The following MCTP1 variants were observed in gnomAD, a reference collection of about 807,000 sequenced individuals.
MCTP1 encodes multiple C2 and transmembrane domain-containing protein 1.
In MCTP1, 69 loss-of-function variants were observed where a neutral mutation model predicts 120.6. The observed-to-expected ratio is 0.57, with a 90% confidence interval of 0.47 to 0.70. The LOEUF is 0.70. MCTP1 is among the 30% of genes least tolerant of loss of function. MCTP1 has a pLI of 0.00. For missense variants in MCTP1, 1,203 were observed against 1,248.8 expected (o/e 0.96, Z 0.55); for synonymous variants, 529 against 493.1 (o/e 1.07, Z -0.96).
chr5:94,714,774 C>T lies in MCTP1; in HGVS notation c.2720+3G>A, dbSNP rs1758467734. 3.2e-6 allele frequency: 5 copies of T among 1,541,700 alleles called. No homozygotes were observed. Among genetic ancestry groups the T allele is most frequent in the Non-Finnish European group, 4.5e-6 (5 of 1,113,992 alleles). ...ATGGGGCTCACAGGTCACCGTCACT[C>T]ACTTCTTTATCCTTTCGCCAAAGGA... On this transcript the variant is annotated splice_donor_region_variant and intron_variant, in intron 20 of 22. Coordinates refer to ENST00000515393, the MANE Select transcript of MCTP1 (RefSeq NM_024717.7).
At chr5:95,249,470 G>A (rs936978861) in intron 1 of MCTP1, among the ~76,000 whole-genome samples, 3 of 151,992 alleles carry the variant, frequency 2.0e-5, no homozygotes, top group Admixed American at 6.6e-5. Flanking sequence ...ACCATCTCAC[G>A]CCAGTTAGAA....
chr5:94,901,044 T>G (rs563572009), intron 10 of MCTP1, among the ~76,000 whole-genome samples: 5 of 152,214 alleles, frequency 3.3e-5, no homozygotes, highest in Non-Finnish European at 7.3e-5. Flanking sequence ...GACTCAAATC[T>G]AAAACAGATT....
chr5:94,777,018 GAT>G (rs1775501622), intron 19 of MCTP1, among the ~76,000 whole-genome samples: 1 of 137,666 alleles, frequency 7.3e-6, no homozygotes, highest in Non-Finnish European at 1.7e-5. Context: ...ATTTTATTCA[GAT>G]ATGATTTTTA....
At chr5:95,124,872 T>A (rs1427603884) in intron 1 of MCTP1, among the ~76,000 whole-genome samples, 1 of 152,238 alleles carries the variant, frequency 6.6e-6, no homozygotes, top group African/African-American at 2.4e-5. Flanking sequence ...GACTTTCATC[T>A]TCTGCACACC....
chr5:95,036,032 C>A (rs1453508121), intron 1 of MCTP1, among the ~76,000 whole-genome samples: 1 of 152,024 alleles, frequency 6.6e-6, no homozygotes, highest in African/African-American at 2.4e-5. Flanking sequence ...ACTCATCTGA[C>A]CTTTTGTCTT....
intron 17 of MCTP1, among the ~76,000 whole-genome samples, chr5:94,841,456 A>G (rs969177403): frequency 1.3e-5 from 2 of 152,088 alleles, no homozygotes; most frequent in Admixed American, 6.6e-5. Flanking sequence ...TCCCACCCCA[A>G]ACACTGTGGA....
At chr5:94,893,078 C>T (rs1803050185) in intron 11 of MCTP1, among the ~76,000 whole-genome samples, 1 of 151,974 alleles carries the variant, frequency 6.6e-6, no homozygotes, top group African/African-American at 2.4e-5. Flanking sequence ...GAGCAGAATA[C>T]AATCTGAGAA....
chr5:94,889,433 A>G lies in MCTP1; in HGVS notation c.1840-461T>C, dbSNP rs540836756. 2.6e-5 allele frequency among the ~76,000 whole-genome samples: 4 copies of G among 151,734 alleles called. No individual in the cohort carries two copies. In the East Asian group the frequency reaches 5.8e-4, roughly 22 times the overall value. ...GAAACCCCATCTCTACCAAAAATAC[A>G]AAAAAAATTAGCCAGGCGTGGTGGC... On this transcript the variant is annotated intron_variant, in intron 11 of 22. Transcript: ENST00000515393.
intron 1 of MCTP1, among the ~76,000 whole-genome samples, chr5:95,090,417 TTTC>T (rs1582225525): frequency 6.6e-6 from 1 of 152,188 alleles, no homozygotes; most frequent in African/African-American, 2.4e-5. Flanking sequence ...TCAATCTTGT[TTTC>T]TTCTCCTGCC....
intron 17 of MCTP1, among the ~76,000 whole-genome samples, chr5:94,845,758 C>T (rs1792186002): frequency 6.6e-6 from 1 of 152,078 alleles, no homozygotes; most frequent in African/African-American, 2.4e-5. Context: ...TGCTATGTTG[C>T]CCAGGCTGAT....
chr5:94,818,889 A>C (rs1313804087), intron 17 of MCTP1, among the ~76,000 whole-genome samples: 1 of 152,174 alleles, frequency 6.6e-6, no homozygotes, highest in Non-Finnish European at 1.5e-5. Context: ...ATCATCTTAG[A>C]AAATTCAGAT....
intron 19 of MCTP1, among the ~76,000 whole-genome samples, chr5:94,715,995 A>G (rs914428543): frequency 4.6e-5 from 7 of 152,248 alleles, no homozygotes; most frequent in African/African-American, 1.7e-4. Flanking sequence ...TCATTTCAGA[A>G]GAGTCTAAAG....
intron 1 of MCTP1, among the ~76,000 whole-genome samples, chr5:95,165,695 A>G (rs1386658898): frequency 2.0e-5 from 3 of 152,336 alleles, no homozygotes; most frequent in East Asian, 1.9e-4. Context: ...AACCAGAAGG[A>G]TCAACCATGA....
chr5:95,004,028 A>G (rs1450610880), intron 2 of MCTP1, among the ~76,000 whole-genome samples: 1 of 152,222 alleles, frequency 6.6e-6, no homozygotes, highest in East Asian at 1.9e-4. Context: ...AGAACAGTGA[A>G]GTCCAGGCTG....
At chr5:94,803,350 C>T (rs988702815) in intron 17 of MCTP1, among the ~76,000 whole-genome samples, 5 of 152,102 alleles carry the variant, frequency 3.3e-5, no homozygotes, top group Admixed American at 1.3e-4. Flanking sequence ...GGCTTTGGGC[C>T]GTTAGCCATG....
At chr5:95,051,527 T>C (rs1466452848) in intron 1 of MCTP1, among the ~76,000 whole-genome samples, 2 of 152,206 alleles carry the variant, frequency 1.3e-5, no homozygotes, top group African/African-American at 2.4e-5. Context: ...CCTTAGGTTA[T>C]AGGAAGTTTG....
chr5:95,154,514 A>C (rs1338424415), intron 1 of MCTP1, among the ~76,000 whole-genome samples: 1 of 152,218 alleles, frequency 6.6e-6, no homozygotes, highest in Non-Finnish European at 1.5e-5. Flanking sequence ...TGAGCAAGAG[A>C]GCTGCCTCCA....
chr5:94,917,879 T>C lies in MCTP1; in HGVS notation c.1350+17A>G, dbSNP rs961652514. 3.1e-6 allele frequency: 5 copies of C among 1,605,518 alleles called. No homozygotes were observed. In the African/African-American group the frequency reaches 5.3e-5, roughly 17 times the overall value. On this transcript the variant is annotated intron_variant, in intron 8 of 22. Transcript: ENST00000515393. ...CAAGCTCAGAAAAAAATAAATGAAC[T>C]GAATGGTTGAACTTACTTGTACATT...
chr5:95,238,729 C>T (rs544845420), intron 1 of MCTP1, among the ~76,000 whole-genome samples: 3 of 152,210 alleles, frequency 2.0e-5, no homozygotes, highest in Admixed American at 2.0e-4. Flanking sequence ...CCAATTAGTC[C>T]TTAAAATTAT....
Sources: allele counts gnomAD v4.1 joint callset (sites outside exome capture counted in the v4.1 genomes callset), GRCh38; gene constraint gnomAD v4.1.1; transcripts MANE v1.5; gene names NCBI Gene and HGNC (gene_info 2026-07-23, HGNC 2026-07-21).